Variants in CWH43 observed in about 807,000 individuals in gnomAD.
CWH43 encodes PGAP2-interacting protein.
In CWH43, 91 loss-of-function variants were observed where a neutral mutation model predicts 85.7. The ratio of observed to expected loss-of-function variants is 1.06; its 90% confidence interval spans 0.90 to 1.26. The LOEUF is 1.26. CWH43 is among the 50% of genes most tolerant of loss of function. The pLI is 0.00. For missense variants in CWH43, 869 were observed against 839.2 expected (o/e 1.04, Z -0.44); for synonymous variants, 323 against 293.6 (o/e 1.10, Z -1.02).
At chr4:48,986,500 CG>C (rs1387861021) in intron 1 of CWH43, 28 bp downstream of exon 1, 1 of 1,551,140 alleles carries the variant, frequency 6.4e-7, no homozygotes, top group African/African-American at 1.4e-5. Context: ...GCCGCGAGTT[CG>C]CGGGTGCCAG....
rs1782891400 is a variant in CWH43, at chr4:48,998,562, A to G, written c.802+14A>G. 6.3e-7 allele frequency: 1 copy of G among 1,581,284 alleles called. No homozygotes were observed. The highest frequency in any genetic ancestry group is 1.1e-5 in the South Asian group (1 of 90,442). The stretch of plus-strand genomic sequence containing the variant: ...GGTGGGTTACAGGTATGTGGAATTT[A>G]CCTGCAGATAGAACACGACTGAGCT... On this transcript the variant is annotated intron_variant, in intron 6 of 15. Coordinates refer to ENST00000226432, the MANE Select transcript of CWH43 (RefSeq NM_025087.3).
rs375516361 is a variant in CWH43, at chr4:49,031,106, C to T, written c.1508+146C>T. The T allele has an allele frequency of 4.3e-6, 3 of 699,608 alleles. No individual in the cohort carries two copies. In the South Asian group the frequency reaches 8.6e-5, roughly 20 times the overall value. 43.3% of individuals were successfully genotyped at this position (699,608 alleles called of 1,614,324 possible). The stretch of plus-strand genomic sequence containing the variant: ...GGGATGAGGAGGTGCTGGAGATATG[C>T]ACATTCTGTAATTTTTCAAATGGTT... On this transcript the variant is annotated intron_variant, in intron 11 of 15. Coordinates refer to ENST00000226432, the MANE Select transcript of CWH43 (RefSeq NM_025087.3).
intron 11 of CWH43, 187 bp downstream of exon 11, chr4:49,031,147 AT>A (rs1784084221): frequency 1.9e-6 from 1 of 528,754 alleles, no homozygotes. Flanking sequence ...GTGGCTGGAT[AT>A]TTCCAGTTCT....
intron 9 of CWH43, among the ~76,000 whole-genome samples, chr4:49,027,246 T>C (rs922890465): frequency 3.6e-4 from 55 of 152,098 alleles, no homozygotes; most frequent in Admixed American, 3.3e-3. Flanking sequence ...ATTTTGAAAG[T>C]AGAACCGATA....
At chr4:49,024,904 C>T (rs1783860477) in intron 9 of CWH43, among the ~76,000 whole-genome samples, 3 of 152,076 alleles carry the variant, frequency 2.0e-5, no homozygotes, top group African/African-American at 4.8e-5. Flanking sequence ...AGATCTCTAG[C>T]AAGGCTAGGG....
intron 9 of CWH43, among the ~76,000 whole-genome samples, chr4:49,028,342 C>T (rs1177397969): frequency 6.6e-6 from 1 of 152,146 alleles, no homozygotes; most frequent in African/African-American, 2.4e-5. Context: ...TGATGGACAG[C>T]CAGGCTGTTT....
chr4:49,016,837 C>T, intron 8 of CWH43: 1 of 779,932 alleles, frequency 1.3e-6, no homozygotes, highest in Admixed American at 1.7e-5. Context: ...TCAATCAGTT[C>T]ATCTGACTCC....
chr4:49,036,267 T>A (rs929891015), intron 12 of CWH43, among the ~76,000 whole-genome samples: 5 of 152,058 alleles, frequency 3.3e-5, no homozygotes, highest in Non-Finnish European at 1.5e-5. Flanking sequence ...GGAGATGAAA[T>A]CTGCAGGGGT....
intron 7 of CWH43, among the ~76,000 whole-genome samples, chr4:49,004,613 C>T (rs1407424200): frequency 6.6e-6 from 1 of 152,154 alleles, no homozygotes; most frequent in Non-Finnish European, 1.5e-5. Context: ...TGGTCTTGAA[C>T]TCCTGGCCTC....
At position 48,992,057 on chromosome 4, in the gene CWH43, A is replaced by T. The variant is rs1453731310; in HGVS notation, c.478A>T (p.Ser160Cys). The change falls in exon 4 of 16, where the codon AGT becomes TGT. Residue 160 changes from serine (S) to cysteine (C), a missense_variant. Physicochemically the swap from Ser to Cys is moderately radical, Grantham distance 112 (BLOSUM62 -1). Around this residue, in one of 3 missense-constraint regions of CWH43, gnomAD observed 152 missense variants for 203.6 expected, o/e 0.75. Coordinates refer to ENST00000226432, the MANE Select transcript of CWH43 (RefSeq NM_025087.3). The surrounding 1 kb of genome is among the most constrained non-coding windows in gnomAD (Gnocchi z 4.3). ...QMSNKVILTL[S>C]AIATLDRIGT... ...GTCCAACAAAGTGATACTGACATTA[A>T]GTGCCATAGCCACACTTGATCGTAT... 5.0e-6 allele frequency: 8 copies of T among 1,614,132 alleles called. No homozygotes were observed. In the African/African-American group the frequency reaches 5.3e-5, roughly 11 times the overall value.
chr4:49,048,278 TTA>T (rs1420869040), intron 14 of CWH43, among the ~76,000 whole-genome samples: 1 of 151,214 alleles, frequency 6.6e-6, no homozygotes, highest in African/African-American at 2.4e-5. Flanking sequence ...ATGGCAGAGT[TTA>T]TATATATATA....
At chr4:49,036,329 A>C (rs1358119191) in intron 12 of CWH43, among the ~76,000 whole-genome samples, 1 of 152,210 alleles carries the variant, frequency 6.6e-6, no homozygotes, top group Non-Finnish European at 1.5e-5. Flanking sequence ...GGCTGGGGAA[A>C]TGAAAAATAA....
At chr4:49,034,333 A>T (rs1465334684) in intron 12 of CWH43, among the ~76,000 whole-genome samples, 2 of 152,202 alleles carry the variant, frequency 1.3e-5, no homozygotes, top group East Asian at 3.8e-4. Flanking sequence ...TTCTCAACCT[A>T]AGAAACAGTT....
At chr4:49,059,561 G>T (rs1025872693) in intron 15 of CWH43, among the ~76,000 whole-genome samples, 1 of 152,124 alleles carries the variant, frequency 6.6e-6, no homozygotes, top group African/African-American at 2.4e-5. Flanking sequence ...GAAAAAGTGG[G>T]CATCTCTTCT....
intron 13 of CWH43, among the ~76,000 whole-genome samples, chr4:49,038,384 G>C (rs559684023): frequency 5.9e-5 from 9 of 152,214 alleles, no homozygotes; most frequent in African/African-American, 1.7e-4. Flanking sequence ...GGGCTCAATG[G>C]GGGTAGCTCA....
intron 12 of CWH43, among the ~76,000 whole-genome samples, chr4:49,037,015 A>T (rs889249962): frequency 2.6e-5 from 4 of 152,038 alleles, no homozygotes; most frequent in African/African-American, 4.8e-5. Flanking sequence ...TTAATCTCTG[A>T]TTGCCTCATT....
At chr4:49,054,970 T>G (rs537946029) in intron 15 of CWH43, among the ~76,000 whole-genome samples, 1 of 152,250 alleles carries the variant, frequency 6.6e-6, no homozygotes, top group Non-Finnish European at 1.5e-5. Context: ...AATTTAACTT[T>G]TTCCTTTCCA....
chr4:49,017,211 A>G, intron 8 of CWH43, 38 bp from the exon 9 acceptor site: 1 of 1,530,848 alleles, frequency 6.5e-7, no homozygotes, highest in South Asian at 1.2e-5. Context: ...TATTTTATTT[A>G]TTTTAAAAAA....
intron 5 of CWH43, among the ~76,000 whole-genome samples, chr4:48,996,446 A>G (rs1166762172): frequency 6.6e-6 from 1 of 152,206 alleles, no homozygotes; most frequent in Non-Finnish European, 1.5e-5. Context: ...AAAGGAATGA[A>G]TGTTGATTAC....
Sources: gnomAD v4.1 joint callset for allele counts (sites outside exome capture counted in the v4.1 genomes callset) on GRCh38, gnomAD v4.1.1 for gene constraint, gnomAD v4.1.1 regional missense constraint, Gnocchi (gnomAD v3.1) non-coding constraint, MANE v1.5 for transcripts, NCBI Gene and HGNC (gene_info 2026-07-23, HGNC 2026-07-21) for gene names.